The following ELF1 variants were observed in gnomAD, a reference collection of about 807,000 sequenced individuals.
ELF1 encodes ETS-related transcription factor Elf-1.
ELF1 carries 24 observed loss-of-function variants against 59.9 expected under a neutral mutation model. That is an observed-to-expected ratio of 0.40 (90% CI 0.29 to 0.56). ELF1 has a LOEUF of 0.56. Ranked by LOEUF, ELF1 falls within the 20% of genes least tolerant of loss-of-function variation. The pLI, the probability that ELF1 is intolerant of heterozygous loss-of-function variation, is 0.44. For missense variants in ELF1, 627 were observed against 742.2 expected, an observed-to-expected ratio of 0.84 and a Z score of 1.80; for synonymous variants, 248 against 266.2, an observed-to-expected ratio of 0.93 and a Z score of 0.67.
At chr13:40,950,728 T>C (rs1468517517) in intron 4 of ELF1, among the ~76,000 whole-genome samples, 1 of 152,274 alleles carries the variant, frequency 6.6e-6, no homozygotes, top group Non-Finnish European at 1.5e-5. Context: ...CATAAGTAAC[T>C]GTCTTCAAAA....
intron 1 of ELF1, among the ~76,000 whole-genome samples, chr13:41,041,980 T>C (rs879322854): frequency 1.3e-5 from 2 of 152,212 alleles, no homozygotes; most frequent in Admixed American, 1.3e-4. Context: ...AGTGTATATT[T>C]TTCAAATATT....
chr13:40,951,554 T>C (rs896737217), intron 3 of ELF1, 118 bp from the exon 4 acceptor site: 73 of 615,208 alleles, frequency 1.2e-4, no homozygotes, highest in African/African-American at 1.1e-3. Flanking sequence ...TTTATATATA[T>C]ATATAAACTA....
chr13:41,060,326 TGC>T (rs1877477592), intron 1 of ELF1, among the ~76,000 whole-genome samples: 1 of 152,142 alleles, frequency 6.6e-6, no homozygotes, highest in African/African-American at 2.4e-5. Flanking sequence ...CAGCCCGTCC[TGC>T]ATAGGAAGAG....
chr13:40,992,007 G>A (rs1328439627), intron 1 of ELF1, among the ~76,000 whole-genome samples: 2 of 152,060 alleles, frequency 1.3e-5, no homozygotes, highest in East Asian at 1.9e-4. Flanking sequence ...TTTATTGTAT[G>A]TTTTGGAAAA....
chr13:41,060,816 A>G lies in ELF1; in HGVS notation c.-229+22T>C, dbSNP rs144574585. ...ACCGCTAGACCATATGGGAAGTGCTATGAGAAACTGCCGTGACCCACCTGA... is the reference window on the plus strand; with the variant it reads ...ACCGCTAGACCATATGGGAAGTGCTGTGAGAAACTGCCGTGACCCACCTGA... On this transcript the variant is annotated intron_variant, in intron 1 of 1. Transcript: ENST00000405737. 2.8e-3 allele frequency: 628 copies of G among 227,722 alleles called. 5 individuals carry two copies. Among genetic ancestry groups the G allele is most frequent in the Middle Eastern group, 0.011 (7 of 642 alleles). 14.1% of individuals were successfully genotyped at this position (227,722 alleles called of 1,614,324 possible). A position where few individuals can be genotyped will look rare whatever the true frequency, so the allele number is the denominator to read the frequency against.
At chr13:40,995,778 T>C (rs781497353) in intron 1 of ELF1, among the ~76,000 whole-genome samples, 11 of 151,830 alleles carry the variant, frequency 7.2e-5, no homozygotes, top group African/African-American at 2.7e-4. Flanking sequence ...GAACATAGCA[T>C]AGGAGAAAAA....
intron 1 of ELF1, among the ~76,000 whole-genome samples, chr13:41,056,071 G>A (rs1359260153): frequency 2.6e-5 from 4 of 152,014 alleles, no homozygotes; most frequent in Non-Finnish European, 5.9e-5. Context: ...ACATTATTTA[G>A]TGCATTTATA....
upstream of ELF1, among the ~76,000 whole-genome samples, chr13:41,021,361 AG>A (rs1875683181): frequency 6.6e-6 from 1 of 152,244 alleles, no homozygotes; most frequent in African/African-American, 2.4e-5. Context: ...GTTCCTAAGG[AG>A]ATGACTCCAG....
chr13:40,940,885 T>C (rs751533439), intron 8 of ELF1, 36 bp downstream of exon 8: 8 of 1,562,248 alleles, frequency 5.1e-6, no homozygotes, highest in African/African-American at 1.4e-5. Context: ...CAGAAACATA[T>C]TGAAGTGATA....
intron 2 of ELF1, among the ~76,000 whole-genome samples, chr13:40,966,055 G>A (rs1212441884): frequency 1.3e-5 from 2 of 152,176 alleles, no homozygotes; most frequent in East Asian, 1.9e-4. Context: ...TAAGATCTGG[G>A]ATATTAGTAA....
intron 1 of ELF1, among the ~76,000 whole-genome samples, chr13:41,054,683 G>A (rs1411986454): frequency 6.6e-6 from 1 of 152,130 alleles, no homozygotes; most frequent in East Asian, 1.9e-4. Flanking sequence ...TAGGGAGAGA[G>A]TAGAAGCAAG....
At chr13:40,996,049 A>G (rs1874110032) in intron 1 of ELF1, among the ~76,000 whole-genome samples, 1 of 152,230 alleles carries the variant, frequency 6.6e-6, no homozygotes, top group Non-Finnish European at 1.5e-5. Context: ...GAAGATATAC[A>G]GATTAGCATA....
At chr13:41,018,909 A>G (rs1875571465) in intron 1 of ELF1, among the ~76,000 whole-genome samples, 1 of 152,236 alleles carries the variant, frequency 6.6e-6, no homozygotes. Flanking sequence ...TTTTTAAATT[A>G]AAATTTGACC....
chr13:41,016,914 CAAAAAAAAAAAAAAAAAA>C (rs1164306892), intron 1 of ELF1, among the ~76,000 whole-genome samples: 9 of 12,898 alleles, frequency 7.0e-4, no homozygotes, highest in South Asian at 8.1e-3. Context: ...AACTCCGTCT[CAAAAAAAAAAAAAAAAAA>C]AAAAAAAAAA....
At chr13:40,993,898 GA>G (rs1874004115) in intron 1 of ELF1, among the ~76,000 whole-genome samples, 1 of 145,518 alleles carries the variant, frequency 6.9e-6, no homozygotes, top group Admixed American at 6.8e-5. Flanking sequence ...AGCACAAATC[GA>G]TTTTTTTTTT....
chr13:41,041,816 C>A (rs1876623628), intron 1 of ELF1, among the ~76,000 whole-genome samples: 1 of 152,124 alleles, frequency 6.6e-6, no homozygotes, highest in African/African-American at 2.4e-5. Flanking sequence ...ACTCAAGATT[C>A]TCTATTTTTT....
intron 1 of ELF1, among the ~76,000 whole-genome samples, chr13:41,004,470 A>G (rs1310242253): frequency 6.6e-6 from 1 of 152,146 alleles, no homozygotes; most frequent in Non-Finnish European, 1.5e-5. Flanking sequence ...CATTAGGGAT[A>G]CAGGATCTAC....
chr13:40,989,938 A>C (rs1441269692), intron 1 of ELF1, among the ~76,000 whole-genome samples: 1 of 152,232 alleles, frequency 6.6e-6, no homozygotes, highest in East Asian at 1.9e-4. Context: ...TTGCAAAATA[A>C]CCAAGTGTGG....
intron 1 of ELF1, among the ~76,000 whole-genome samples, chr13:40,999,440 G>A (rs1371064963): frequency 1.3e-5 from 2 of 152,190 alleles, no homozygotes; most frequent in African/African-American, 4.8e-5. Flanking sequence ...ACTCAAAAAT[G>A]ACCAAAGTTT....
Sources: gnomAD v4.1 joint callset for allele counts (sites outside exome capture counted in the v4.1 genomes callset) on GRCh38, gnomAD v4.1.1 for gene constraint, MANE v1.5 for transcripts, NCBI Gene and HGNC (gene_info 2026-07-23, HGNC 2026-07-21) for gene names.